ELL2: variants seen among roughly 807,000 people sequenced by gnomAD.
ELL2 encodes the protein elongation factor for RNA polymerase II 2.
A neutral mutation model predicts 72.8 loss-of-function variants in ELL2; 21 were observed. The observed-to-expected ratio is 0.29, with a 90% confidence interval of 0.20 to 0.42. The LOEUF (loss-of-function observed/expected upper bound fraction) is 0.42, where lower values mean the gene tolerates loss of function less well. Among genes scored for constraint, ELL2 ranks in the 10% least tolerant of loss-of-function variants. ELL2 has a pLI of 1.00. For missense variants in ELL2, 568 were observed against 772.8 expected, an observed-to-expected ratio of 0.73 and a Z score of 3.14; for synonymous variants, 266 against 283.2, an observed-to-expected ratio of 0.94 and a Z score of 0.61.
intron 1 of ELL2, among the ~76,000 whole-genome samples, chr5:95,960,560 C>T (rs1478866541): frequency 2.0e-5 from 3 of 151,922 alleles, no homozygotes; most frequent in African/African-American, 7.3e-5. Flanking sequence ...CTCTCGAAAA[C>T]GAGGGGTGAG....
intron 2 of ELL2, among the ~76,000 whole-genome samples, chr5:95,933,002 T>C (rs1418205765): frequency 1.3e-5 from 2 of 152,202 alleles, no homozygotes; most frequent in Admixed American, 1.3e-4. Context: ...TGGATGTTAC[T>C]TTACGCTATC....
At chr5:95,942,732 C>T (rs749535286) in intron 2 of ELL2, among the ~76,000 whole-genome samples, 11 of 152,050 alleles carry the variant, frequency 7.2e-5, no homozygotes, top group Admixed American at 4.6e-4. Flanking sequence ...GTACGTTATA[C>T]TTCAATAAAA....
At position 95,888,843 on chromosome 5, in the gene ELL2, A is replaced by G. The variant is rs1201909132; in HGVS notation, c.*28T>C. 2.0e-6 allele frequency: 3 copies of G among 1,477,768 alleles called. No individual in the cohort carries two copies. Among genetic ancestry groups the G allele is most frequent in the Non-Finnish European group, 1.8e-6 (2 of 1,085,736 alleles). The allele number at this position is 1,477,768 out of a possible 1,614,324, so 91.5% of individuals were successfully genotyped here. On this transcript the variant is annotated 3_prime_UTR_variant, in exon 12 of 12. Transcript: ENST00000237853. ...ATTTTAAATAAATAAGCTTAAGTTT[A>G]TTCACATCTTCTGGTCCAAGCAGAG...
At chr5:95,907,877 G>A (rs866332238) in intron 4 of ELL2, among the ~76,000 whole-genome samples, 1 of 152,210 alleles carries the variant, frequency 6.6e-6, no homozygotes, top group Admixed American at 6.5e-5. Context: ...GGTCTGGGGT[G>A]AAAACAGCTC....
At chr5:95,930,257 A>G (rs1750548286) in intron 2 of ELL2, among the ~76,000 whole-genome samples, 1 of 152,154 alleles carries the variant, frequency 6.6e-6, no homozygotes, top group Non-Finnish European at 1.5e-5. Context: ...TGTACCCTGG[A>G]GCCTTGAGCA....
intron 9 of ELL2, among the ~76,000 whole-genome samples, chr5:95,892,737 T>C (rs1201607907): frequency 6.6e-6 from 1 of 152,226 alleles, no homozygotes; most frequent in African/African-American, 2.4e-5. Context: ...CACAGACGCC[T>C]AGCAGAAAAT....
chr5:95,913,868 G>A lies in ELL2; in HGVS notation c.384C>T (p.Asn128=), dbSNP rs139040465. The A allele has an allele frequency of 1.8e-3, 2,862 of 1,613,366 alleles. 6 individuals carry two copies. Among genetic ancestry groups the A allele is most frequent in the Admixed American group, 2.4e-3 (142 of 59,862 alleles). The part of the protein sequence containing the change: ...IQDKITVCAT[N]DSYQMTRERM... ...TTTCTCGTGTCATCTGATACGAGTCGTTTGTTGCACACACTGTAATTTTAT... is the reference window on the plus strand; with the variant it reads ...TTTCTCGTGTCATCTGATACGAGTCATTTGTTGCACACACTGTAATTTTAT... Residue 128 remains asparagine (N), a synonymous_variant, in exon 4 of 12, where the codon AAC becomes AAT. Coordinates refer to ENST00000237853, the MANE Select transcript of ELL2 (RefSeq NM_012081.6).
At chr5:95,895,815 A>C (rs936599378) in intron 8 of ELL2, 124 bp from the exon 9 acceptor site, 6 of 793,130 alleles carry the variant, frequency 7.6e-6, no homozygotes, top group Non-Finnish European at 1.3e-5. Flanking sequence ...TTCCATCTCA[A>C]TAAGCAACAG....
chr5:95,899,683 T>A (rs1417049020), intron 7 of ELL2, among the ~76,000 whole-genome samples: 1 of 152,246 alleles, frequency 6.6e-6, no homozygotes, highest in African/African-American at 2.4e-5. Flanking sequence ...GTATTCTGGC[T>A]TGAAAGAAAA....
At chr5:95,938,238 A>C (rs1750849175) in intron 2 of ELL2, among the ~76,000 whole-genome samples, 2 of 152,194 alleles carry the variant, frequency 1.3e-5, no homozygotes, top group Admixed American at 1.3e-4. Flanking sequence ...GTTACCAGTT[A>C]AATGCCAATT....
intron 2 of ELL2, among the ~76,000 whole-genome samples, chr5:95,921,742 G>T (rs139190169): frequency 1.3e-5 from 2 of 152,204 alleles, no homozygotes; most frequent in Non-Finnish European, 2.9e-5. Context: ...GAAGAGCAGG[G>T]TTCTGCTGAC....
chr5:95,944,306 T>A (rs767827243), intron 1 of ELL2, among the ~76,000 whole-genome samples: 1 of 152,172 alleles, frequency 6.6e-6, no homozygotes, highest in Admixed American at 6.5e-5. Flanking sequence ...TAAACAAATA[T>A]CTTCTTGGAG....
rs750886934 is a variant in ELL2, at chr5:95,886,409, T to C, written c.*2462A>G. 6.6e-6 allele frequency: 1 copy of C among 152,204 alleles called. No individual in the cohort carries two copies. The highest frequency in any genetic ancestry group is 1.5e-5 in the Non-Finnish European group (1 of 68,026). The allele number at this position is 152,204 out of a possible 1,614,324, so 9.4% of individuals were successfully genotyped here. A position where few individuals can be genotyped will look rare whatever the true frequency, so the allele number is the denominator to read the frequency against. On this transcript the variant is annotated 3_prime_UTR_variant, in exon 12 of 12. Transcript: ENST00000237853. ...ATCTAAATTAAGGCTTTTACTGGTATGTGATCAGGTCTAAGGGTATGCAAT... is the reference window on the plus strand; with the variant it reads ...ATCTAAATTAAGGCTTTTACTGGTACGTGATCAGGTCTAAGGGTATGCAAT...
intron 1 of ELL2, among the ~76,000 whole-genome samples, chr5:95,958,429 A>G (rs1418862053): frequency 1.3e-5 from 2 of 152,216 alleles, no homozygotes; most frequent in African/African-American, 4.8e-5. Flanking sequence ...AGGGGCACTG[A>G]GGACACACAG....
chr5:95,901,273 C>A (rs981270953), intron 5 of ELL2, 193 bp from the exon 6 acceptor site: 3 of 462,448 alleles, frequency 6.5e-6, no homozygotes, highest in African/African-American at 2.0e-5. Flanking sequence ...TTTATATACA[C>A]AGCTAAATGT....
intron 3 of ELL2, among the ~76,000 whole-genome samples, chr5:95,916,785 G>GAGGGGAA (rs1205906749): frequency 6.6e-6 from 1 of 151,598 alleles, no homozygotes; most frequent in Non-Finnish European, 1.5e-5. Flanking sequence ...AATGCTGAGA[G>GAGGGGAA]AGGGGAAGGT....
At chr5:95,932,491 C>T (rs1424242684) in intron 2 of ELL2, 2 of 152,188 alleles carry the variant, frequency 1.3e-5, no homozygotes, top group Non-Finnish European at 2.9e-5. Flanking sequence ...ATTTGAATAA[C>T]TGATATTACA....
rs1748510058 is a variant in ELL2, at chr5:95,887,716, G to A, written c.*1155C>T. ...TATATCCACTCTTTTTTATATTCCT[G>A]GCACCAGGATGAAAAAAAAAATCTT... is the stretch of plus-strand genomic sequence containing the variant. On this transcript the variant is annotated 3_prime_UTR_variant, in exon 12 of 12. Transcript: ENST00000237853. 7.1e-6 allele frequency: 1 copy of A among 139,952 alleles called. No individual in the cohort carries two copies. The highest frequency in any genetic ancestry group is 2.9e-5 in the African/African-American group (1 of 34,128). The allele number at this position is 139,952 out of a possible 1,614,324, so 8.7% of individuals were successfully genotyped here.
Position 95,913,883 on chromosome 5 carries a change from T to C in ELL2, c.369A>G (p.Thr123=). The change falls in exon 4 of 12, where the codon ACA becomes ACG. Residue 123 remains threonine (T), a synonymous_variant. Coordinates refer to ENST00000237853, the MANE Select transcript of ELL2 (RefSeq NM_012081.6). ...GATACGAGTCGTTTGTTGCACACAC[T>C]GTAATTTTATCTTGTATAAATCCCA... The part of the protein sequence containing the change: ...NCLGFIQDKI[T]VCATNDSYQM... 1 of 1,603,126 alleles carries C rather than the reference T, an allele frequency of 6.2e-7. No individual in the cohort carries two copies.
Sources: allele counts gnomAD v4.1 joint callset (sites outside exome capture counted in the v4.1 genomes callset), GRCh38; gene constraint gnomAD v4.1.1; transcripts MANE v1.5; gene names NCBI Gene and HGNC (gene_info 2026-07-23, HGNC 2026-07-21).